Variants in TMEM33 observed in about 807,000 individuals in gnomAD.
The protein encoded by TMEM33 is transmembrane protein 33.
Under a neutral mutation model 29.7 loss-of-function variants are expected in TMEM33, and 16 were observed. The observed-to-expected ratio is 0.54, with a 90% CI of 0.36 to 0.82. The LOEUF (loss-of-function observed/expected upper bound fraction) is 0.82. Ranked by LOEUF, TMEM33 falls within the 40% of genes least tolerant of loss-of-function variation. The pLI, the probability that TMEM33 is intolerant of heterozygous loss-of-function variation, is 0.00. For missense variants in TMEM33, 252 were observed against 295.3 expected (o/e 0.85, Z 1.08); for synonymous variants, 112 against 109.4 (o/e 1.02, Z -0.15).
intron 2 of TMEM33, 30 bp from the exon 3 acceptor site, chr4:41,939,166 C>T: frequency 6.4e-7 from 1 of 1,563,626 alleles, no homozygotes; most frequent in Non-Finnish European, 8.6e-7. Context: ...GTTTATGTCT[C>T]ATGATAACCT....
intron 5 of TMEM33, among the ~76,000 whole-genome samples, chr4:41,945,993 A>G (rs186957162): frequency 0.046 from 6,756 of 146,084 alleles, 219 homozygotes; most frequent in Non-Finnish European, 0.066. Flanking sequence ...AAAAAAAAAG[A>G]AAAGGAAAAA....
chr4:41,943,901 A>G (rs1263208730), intron 4 of TMEM33, 87 bp downstream of exon 4: 10 of 1,265,862 alleles, frequency 7.9e-6, no homozygotes, highest in African/African-American at 1.5e-5. Flanking sequence ...ATTTGTCACA[A>G]AAAGTCCCTC....
Position 41,939,376 on chromosome 4 carries a change from A to G in TMEM33, c.321A>G (p.Pro107=), listed in dbSNP as rs777768743. 2.5e-6 allele frequency: 4 copies of G among 1,612,516 alleles called. No individual in the cohort carries two copies. Among genetic ancestry groups the G allele is most frequent in the Admixed American group, 1.7e-5 (1 of 59,294 alleles). ...LYSLIFVNSY[P]VTMSIFPVLL... Reference sequence around the variant, plus strand: ...CACTCATCTTTGTAAATTCCTATCCAGTTACAAGTATCCTTTTCTACCTTG... The same window carrying G: ...CACTCATCTTTGTAAATTCCTATCCGGTTACAAGTATCCTTTTCTACCTTG... The change falls in exon 3 of 7, where the codon CCA becomes CCG. Residue 107 remains proline (P), a synonymous_variant. Coordinates refer to ENST00000504986, the MANE Select transcript of TMEM33 (RefSeq NM_018126.3).
intron 3 of TMEM33, among the ~76,000 whole-genome samples, chr4:41,940,317 T>C (rs531827249): frequency 1.3e-5 from 2 of 152,262 alleles, no homozygotes; most frequent in Admixed American, 1.3e-4. Context: ...CATTGAGAAG[T>C]GCTGGTCTAA....
In TMEM33 at chr4:41,943,782, C is replaced by T; in HGVS notation, c.364C>T (p.His122Tyr). ...CCCAGTCTTGTTATTCTCTTTGCTT[C>T]ATGCTGCCACATATACGAAAAAGGT... ...IFPVLLFSLL[H>Y]AATYTKKVLD... Residue 122 changes from histidine to tyrosine, a missense_variant, in exon 4 of 7, where the codon CAT becomes TAT. Coordinates refer to ENST00000504986, the MANE Select transcript of TMEM33 (RefSeq NM_018126.3). 1 of 1,613,878 alleles carries T rather than the reference C, an allele frequency of 6.2e-7. No individual in the cohort carries two copies. The highest frequency in any genetic ancestry group is 8.5e-7 in the Non-Finnish European group (1 of 1,179,914).
chr4:41,938,801 C>A, intron 2 of TMEM33, 105 bp downstream of exon 2: 1 of 1,012,846 alleles, frequency 9.9e-7, no homozygotes, highest in Non-Finnish European at 1.5e-6. Flanking sequence ...GGTTTAGGGA[C>A]AAATAAAATA....
At chr4:41,944,979 A>G in intron 5 of TMEM33, 53 bp downstream of exon 5, 1 of 1,588,940 alleles carries the variant, frequency 6.3e-7, no homozygotes, top group Non-Finnish European at 8.5e-7. Context: ...CGTAATAAAG[A>G]TAGTAACTCA....
chr4:41,940,046 C>CCTTTTTTTTTTTTTTTTTTTTTTTTT (rs1553910603), intron 3 of TMEM33, among the ~76,000 whole-genome samples: 2 of 81,366 alleles, frequency 2.5e-5, no homozygotes, highest in Admixed American at 1.6e-4. Flanking sequence ...GTTAAACTTT[C>CCTTTTTTTTTTTTTTTTTTTTTTTTT]TTTTTTTTTT....
In TMEM33 at chr4:41,939,664, C is replaced by T. The variant is rs1163390088; in HGVS notation, c.328+281C>T. 2.7e-5 allele frequency: 14 copies of T among 516,118 alleles called. 1 individual carries two copies. The highest frequency in any genetic ancestry group is 9.5e-5 in the African/African-American group (5 of 52,362). The allele number at this position is 516,118 out of a possible 1,614,324, so 32.0% of individuals were successfully genotyped here. A position where few individuals can be genotyped will look rare whatever the true frequency, so the allele number is the denominator to read the frequency against. ...AATTCCCCTTCGAAGCACAACCTTA[C>T]GCAGAACTTACTTTAATATTTACAT... On this transcript the variant is annotated intron_variant, in intron 3 of 6. Coordinates refer to ENST00000504986, the MANE Select transcript of TMEM33 (RefSeq NM_018126.3).
rs1343710838 is a variant in TMEM33 at position 41,954,123 on chromosome 4, C to T, written c.668C>T (p.Ala223Val). Reference sequence around the variant, plus strand: ...GTTGAACACATAATAATGAAACCTGCTTGCCCACTGTTTGTGAGAAGACTT... The same window carrying T: ...GTTGAACACATAATAATGAAACCTGTTTGCCCACTGTTTGTGAGAAGACTT... ...IVVEHIIMKP[A>V]CPLFVRRLCL... The change falls in exon 7 of 7, where the codon GCT becomes GTT. Residue 223 changes from alanine to valine, a missense_variant. Ala to Val is a moderately conservative substitution (Grantham distance 64). Transcript: ENST00000504986. The T allele has an allele frequency of 6.2e-7, 1 of 1,613,856 alleles. No individual in the cohort carries two copies. Among genetic ancestry groups the T allele is most frequent in the Non-Finnish European group, 8.5e-7 (1 of 1,179,864 alleles).
At chr4:41,953,980 A>G (rs1159861579) in intron 6 of TMEM33, 90 bp from the exon 7 acceptor site, 1 of 1,516,172 alleles carries the variant, frequency 6.6e-7, no homozygotes. Context: ...TTTGTAAAAA[A>G]TGAAATATCT....
rs750862386 is a variant in TMEM33, at chr4:41,958,700, CTTTTTTTTTTTTTTT to C, written c.*4513_*4527del. 1 of 93,786 alleles carries C rather than the reference CTTTTTTTTTTTTTTT, an allele frequency of 1.1e-5. No homozygotes were observed. Among genetic ancestry groups the C allele is most frequent in the South Asian group, 3.4e-4 (1 of 2,940 alleles). The allele number at this position is 93,786 out of a possible 1,614,324, so 5.8% of individuals were successfully genotyped here. A position where few individuals can be genotyped will look rare whatever the true frequency, so the allele number is the denominator to read the frequency against. On this transcript the variant is annotated 3_prime_UTR_variant, in exon 7 of 7. Coordinates refer to ENST00000504986, the MANE Select transcript of TMEM33 (RefSeq NM_018126.3). Reference sequence around the variant, plus strand: ...GTAGAGACAACTAGTTTCTCTCGCTCTTTTTTTTTTTTTTTTTTTTTTTTTTGAGACAGATTCTCA... The same window carrying C: ...GTAGAGACAACTAGTTTCTCTCGCTCTTTTTTTTTTTGAGACAGATTCTCA...
In TMEM33 at chr4:41,938,684, T is replaced by A; in HGVS notation, c.128T>A (p.Leu43Gln). Reference protein sequence around the residue: ...FTVYCSALFVLPLLGLHEAAS... With the variant: ...FTVYCSALFVQPLLGLHEAAS... ...GTTTACTGCTCTGCTCTGTTTGTTC[T>A]GCCTCTTCTTGGGTATGTATTATAC... is the stretch of plus-strand genomic sequence containing the variant. The change falls in exon 2 of 7, where the codon CTG becomes CAG. Residue 43 changes from leucine to glutamine, a missense_variant. Physicochemically the swap from Leu to Gln is moderately radical, Grantham distance 113. Coordinates refer to ENST00000504986, the MANE Select transcript of TMEM33 (RefSeq NM_018126.3). 6.2e-7 allele frequency: 1 copy of A among 1,614,128 alleles called. No homozygotes were observed. The highest frequency in any genetic ancestry group is 8.5e-7 in the Non-Finnish European group (1 of 1,180,000).
At chr4:41,945,574 A>G (rs1022138948) in intron 5 of TMEM33, among the ~76,000 whole-genome samples, 48 of 152,320 alleles carry the variant, frequency 3.2e-4, no homozygotes, top group African/African-American at 1.1e-3. Flanking sequence ...ATATGTGTCT[A>G]TGTATGTAGT....
chr4:41,937,397 A>G (rs1399228162), intron 1 of TMEM33, among the ~76,000 whole-genome samples: 2 of 152,210 alleles, frequency 1.3e-5, no homozygotes, highest in Non-Finnish European at 2.9e-5. Context: ...GTTGTATTTC[A>G]TATTTCTGAA....
Position 41,954,405 on chromosome 4 carries a change from G to C in TMEM33, c.*206G>C, listed in dbSNP as rs1713173385. ...TGAGAAAATTTTACTGCGCTGTGTT[G>C]CTAATGGTTAAAGAAGTCTGTATCT... On this transcript the variant is annotated 3_prime_UTR_variant, in exon 7 of 7. Transcript: ENST00000504986. The C allele has an allele frequency of 2.3e-6, 1 of 442,608 alleles. No homozygotes were observed. 27.4% of individuals were successfully genotyped at this position (442,608 alleles called of 1,614,324 possible). A position where few individuals can be genotyped will look rare whatever the true frequency, so the allele number is the denominator to read the frequency against.
At position 41,959,647 on chromosome 4, in the gene TMEM33, T is replaced by G. The variant is rs1713401622; in HGVS notation, c.*5448T>G. 2 of 152,180 alleles carry G rather than the reference T, an allele frequency of 1.3e-5. No homozygotes were observed. Among genetic ancestry groups the G allele is most frequent in the African/African-American group, 4.8e-5 (2 of 41,456 alleles). The allele number at this position is 152,180 out of a possible 1,614,324, so 9.4% of individuals were successfully genotyped here. A position where few individuals can be genotyped will look rare whatever the true frequency, so the allele number is the denominator to read the frequency against. ...TTCATGACAGTTTAATTCCAAATAT[T>G]TACTATTTTCTCTTGTAACTGTTAG... On this transcript the variant is annotated 3_prime_UTR_variant, in exon 7 of 7. Coordinates refer to ENST00000504986, the MANE Select transcript of TMEM33 (RefSeq NM_018126.3).
chr4:41,951,806 A>C (rs1179838464), intron 6 of TMEM33, among the ~76,000 whole-genome samples: 1 of 152,180 alleles, frequency 6.6e-6, no homozygotes, highest in Non-Finnish European at 1.5e-5. Context: ...TGGGTGCCTG[A>C]AAAGTGCTTA....
chr4:41,946,014 A>G (rs1712769916), intron 5 of TMEM33, among the ~76,000 whole-genome samples: 1 of 144,618 alleles, frequency 6.9e-6, no homozygotes, highest in South Asian at 2.2e-4. Flanking sequence ...AAAAAGTGTT[A>G]TTCTGTACCT....
Sources: allele counts gnomAD v4.1 joint callset (sites outside exome capture counted in the v4.1 genomes callset), GRCh38; gene constraint gnomAD v4.1.1; transcripts MANE v1.5; gene names NCBI Gene and HGNC (gene_info 2026-07-23, HGNC 2026-07-21).